Variants in VAV2 observed in about 807,000 individuals in gnomAD.
VAV2 encodes the protein vav guanine nucleotide exchange factor 2, also known as guanine nucleotide exchange factor VAV2.
A neutral mutation model predicts 132.5 loss-of-function variants in VAV2; 67 were observed. The ratio of observed to expected loss-of-function variants is 0.51; its 90% confidence interval spans 0.42 to 0.62. The LOEUF is 0.62. VAV2 is among the 20% of genes least tolerant of loss of function. The pLI is 0.00. For synonymous variants in VAV2, 492 were observed against 443.5 expected, an observed-to-expected ratio of 1.11 and a Z score of -1.37; for missense variants, 938 against 1,153.6, an observed-to-expected ratio of 0.81 and a Z score of 2.71.
Position 133,770,451 on chromosome 9 carries a change from C to A in VAV2, c.2274G>T (p.Gln758His). 6.2e-6 allele frequency: 10 copies of A among 1,614,162 alleles called. 1 individual carries two copies. The highest frequency in any genetic ancestry group is 8.5e-6 in the Non-Finnish European group (10 of 1,179,984). ...AGGGGTACTTGAGTGTGGTGTCCAG[C>A]TGCTTGAAGCTCTCCTTCAGTGAGT... ...QCHSLKESFK[Q>H]LDTTLKYPYK... The change falls in exon 27 of 30, where the codon CAG (glutamine) becomes CAT (histidine). Residue 758 changes from glutamine (Q) to histidine (H), a missense_variant. By Grantham distance (24) the Gln-to-His change is conservative (BLOSUM62 0). Transcript: ENST00000371850.
At chr9:133,875,490 A>G (rs1838225936) in intron 2 of VAV2, among the ~76,000 whole-genome samples, 1 of 152,220 alleles carries the variant, frequency 6.6e-6, no homozygotes, top group African/African-American at 2.4e-5. Context: ...TTGTAGTCAG[A>G]GAGTCTGAGC....
At chr9:133,872,811 C>CAG (rs1838112419) in intron 2 of VAV2, among the ~76,000 whole-genome samples, 1 of 152,000 alleles carries the variant, frequency 6.6e-6, no homozygotes, top group African/African-American at 2.4e-5. Context: ...AGAAGCGGGG[C>CAG]AGATGGGTGG....
chr9:133,806,639 C>T (rs1341802456), intron 8 of VAV2, among the ~76,000 whole-genome samples: 1 of 152,188 alleles, frequency 6.6e-6, no homozygotes. Flanking sequence ...CTATAGGAAG[C>T]TCTGGGGTCC....
At chr9:133,859,057 T>C (rs1249413920) in intron 3 of VAV2, among the ~76,000 whole-genome samples, 1 of 151,352 alleles carries the variant, frequency 6.6e-6, no homozygotes, top group African/African-American at 2.4e-5. Context: ...AGCATCCTCT[T>C]GGGTTGGCTG....
At chr9:133,767,376 G>A (rs914409230) in intron 29 of VAV2, among the ~76,000 whole-genome samples, 1 of 152,106 alleles carries the variant, frequency 6.6e-6, no homozygotes, top group African/African-American at 2.4e-5. Context: ...AAGAAAAGAC[G>A]TTTCATAATG....
intron 1 of VAV2, among the ~76,000 whole-genome samples, chr9:133,943,790 G>A (rs992609460): frequency 1.3e-5 from 2 of 152,232 alleles, no homozygotes; most frequent in Non-Finnish European, 2.9e-5. Context: ...GCGCTGCAAT[G>A]AGAGGCAGCG....
At chr9:133,933,927 G>T (rs1355339573) in intron 2 of VAV2, among the ~76,000 whole-genome samples, 1 of 39,018 alleles carries the variant, frequency 2.6e-5, no homozygotes, top group Non-Finnish European at 8.3e-5. Flanking sequence ...GATGATGGGT[G>T]AATGGATGGA....
chr9:133,804,497 C>T lies in VAV2; in HGVS notation c.836+1584G>A, dbSNP rs1307466403. 1.3e-5 allele frequency among the ~76,000 whole-genome samples: 2 copies of T among 152,214 alleles called. No homozygotes were observed. Among genetic ancestry groups the T allele is most frequent in the Admixed American group, 1.3e-4 (2 of 15,284 alleles). Reference sequence around the variant, plus strand: ...CAGGGCCAGGGGTGTCGCCGGGCAGCCTGACTGTGGAGGGAGGCTCCTGGG... The same window carrying T: ...CAGGGCCAGGGGTGTCGCCGGGCAGTCTGACTGTGGAGGGAGGCTCCTGGG... On this transcript the variant is annotated intron_variant, in intron 9 of 29. Transcript: ENST00000371850. This position sits in a 1 kb window ranked among gnomAD's most constrained non-coding sequence, Gnocchi z 4.5.
chr9:133,806,863 G>A (rs1334647113), intron 8 of VAV2, among the ~76,000 whole-genome samples: 1 of 152,260 alleles, frequency 6.6e-6, no homozygotes, highest in Non-Finnish European at 1.5e-5. Context: ...ACCACGTCTA[G>A]GTGACTCTTT....
At position 133,836,149 on chromosome 9, in the gene VAV2, C is replaced by A. The variant is rs189048331; in HGVS notation, c.381-1809G>T. On this transcript the variant is annotated intron_variant, in intron 3 of 29. Coordinates refer to ENST00000371850, the MANE Select transcript of VAV2 (RefSeq NM_001134398.2). ...CTCCCATGATATGCAGAGCCCCATG[C>A]CGACACAGATCCCGCCCAGGTGATG... Among the ~76,000 whole-genome samples, 91 of 152,328 alleles carry A rather than the reference C, an allele frequency of 6.0e-4. 1 individual carries two copies. In the Middle Eastern group the frequency reaches 0.01, roughly 17 times the overall value.
At chr9:133,904,663 G>T (rs1462239127) in intron 2 of VAV2, among the ~76,000 whole-genome samples, 4 of 152,234 alleles carry the variant, frequency 2.6e-5, no homozygotes, top group Non-Finnish European at 5.9e-5. Flanking sequence ...CACAGCAACC[G>T]GCCACGGGGC....
In VAV2 at chr9:133,769,978, C is replaced by T. The variant is rs1049187133; in HGVS notation, c.2347+400G>A. On this transcript the variant is annotated intron_variant, in intron 27 of 29. Coordinates refer to ENST00000371850, the MANE Select transcript of VAV2 (RefSeq NM_001134398.2). This position sits in a 1 kb window ranked among gnomAD's most constrained non-coding sequence, Gnocchi z 8.1. ...CTTCCCTGTTCTGAGCTGTGGAGTC[C>T]AACCTGCAAACAGGCTGCCTCTCAC... Among the ~76,000 whole-genome samples, 2 of 152,350 alleles carry T rather than the reference C, an allele frequency of 1.3e-5. No homozygotes were observed. Among genetic ancestry groups the T allele is most frequent in the East Asian group, 1.9e-4 (1 of 5,170 alleles).
intron 2 of VAV2, among the ~76,000 whole-genome samples, chr9:133,880,878 G>A (rs1314208073): frequency 6.6e-6 from 1 of 152,252 alleles, no homozygotes; most frequent in African/African-American, 2.4e-5. Context: ...TCTGCGGTCG[G>A]CCCTCCAGGA....
intron 2 of VAV2, among the ~76,000 whole-genome samples, chr9:133,869,727 G>A (rs1476401292): frequency 6.6e-6 from 1 of 152,208 alleles, no homozygotes; most frequent in Non-Finnish European, 1.5e-5. Flanking sequence ...AGAGCTTTCT[G>A]GCCCCGACCC....
At chr9:133,882,617 C>T (rs1838543882) in intron 2 of VAV2, among the ~76,000 whole-genome samples, 1 of 151,984 alleles carries the variant, frequency 6.6e-6, no homozygotes, top group Non-Finnish European at 1.5e-5. Context: ...CGTGGCCCTG[C>T]CGACAACACC....
At chr9:133,891,718 A>AG (rs1478667286) in intron 2 of VAV2, among the ~76,000 whole-genome samples, 1 of 12,462 alleles carries the variant, frequency 8.0e-5, no homozygotes, top group African/African-American at 3.1e-4. Context: ...GGAGGGATGG[A>AG]GGGGAGGGAT....
At position 133,834,907 on chromosome 9, in the gene VAV2, C is replaced by T. The variant is rs1209075282; in HGVS notation, c.381-567G>A. Among the ~76,000 whole-genome samples the T allele has an allele frequency of 6.6e-6, 1 of 152,182 alleles. No homozygotes were observed. Among genetic ancestry groups the T allele is most frequent in the Non-Finnish European group, 1.5e-5 (1 of 68,034 alleles). On this transcript the variant is annotated intron_variant, in intron 3 of 29. Transcript: ENST00000371850. The surrounding 1 kb of genome is among the most constrained non-coding windows in gnomAD (Gnocchi z 5.9). ...TCCCGAAAATGAAAAGCCCTCGGAC[C>T]TTCCGCCTGGATCCACAGCCTCCCC...
intron 2 of VAV2, among the ~76,000 whole-genome samples, chr9:133,915,337 C>G (rs1840038506): frequency 6.6e-6 from 1 of 152,172 alleles, no homozygotes; most frequent in African/African-American, 2.4e-5. Flanking sequence ...CCATCCACAC[C>G]CCTCAACCTG....
chr9:133,887,008 C>T (rs1006940167), intron 2 of VAV2, among the ~76,000 whole-genome samples: 1 of 152,140 alleles, frequency 6.6e-6, no homozygotes, highest in Non-Finnish European at 1.5e-5. Context: ...CCAAGCCCCC[C>T]CTCCCCACCC....
Sources: gnomAD v4.1 joint callset for allele counts (sites outside exome capture counted in the v4.1 genomes callset) on GRCh38, gnomAD v4.1.1 for gene constraint, Gnocchi (gnomAD v3.1) non-coding constraint, MANE v1.5 for transcripts, NCBI Gene and HGNC (gene_info 2026-07-23, HGNC 2026-07-21) for gene names.